The following ATP10D variants were observed in gnomAD, a reference collection of about 807,000 sequenced individuals.
ATP10D encodes ATPase phospholipid transporting 10D (putative), also known as phospholipid-transporting ATPase VD.
A neutral mutation model predicts 144.8 loss-of-function variants in ATP10D; 89 were observed. The observed-to-expected ratio is 0.61, with a 90% CI of 0.52 to 0.73. The LOEUF is 0.73. ATP10D is among the 30% of genes least tolerant of loss of function. The pLI is 0.00. For synonymous variants in ATP10D, 571 were observed against 615.1 expected (o/e 0.93, Z 1.06); for missense variants, 1,603 against 1,714.8 (o/e 0.93, Z 1.15).
At chr4:47,559,139 C>G in intron 13 of ATP10D, 110 bp downstream of exon 13, 1 of 726,476 alleles carries the variant, frequency 1.4e-6, no homozygotes, top group Non-Finnish European at 2.3e-6. Context: ...GGAAAGTCCC[C>G]TGGACACTGG....
intron 1 of ATP10D, among the ~76,000 whole-genome samples, chr4:47,509,508 A>G (rs1377771143): frequency 6.6e-6 from 1 of 152,212 alleles, no homozygotes; most frequent in Non-Finnish European, 1.5e-5. Flanking sequence ...AGCTCAAGGT[A>G]ATTAACATAT....
Position 47,576,866 on chromosome 4 carries a change from C to T in ATP10D, c.3460C>T (p.Leu1154Phe). ...CTGGGTTTTGATCTTCTTCAACCTC[C>T]TCTTCACATCTGCCCCTCCTGTCAT... The part of the protein sequence containing the change: ...DYWVLIFFNL[L>F]FTSAPPVIYG... Residue 1154 changes from leucine to phenylalanine, a missense_variant, in exon 19 of 23, where the codon CTC becomes TTC. Coordinates refer to ENST00000273859, the MANE Select transcript of ATP10D (RefSeq NM_020453.4). 4 of 1,614,162 alleles carry T rather than the reference C, an allele frequency of 2.5e-6. No homozygotes were observed. The highest frequency in any genetic ancestry group is 3.4e-6 in the Non-Finnish European group (4 of 1,180,026).
intron 2 of ATP10D, among the ~76,000 whole-genome samples, chr4:47,514,633 T>C (rs4695241): frequency 0.99 from 151,263 of 152,290 alleles, 75,127 homozygotes; most frequent in East Asian, 1. Flanking sequence ...TATTTGAATA[T>C]ATAAAGTAGA....
chr4:47,547,868 G>A (rs185365050), intron 10 of ATP10D, among the ~76,000 whole-genome samples: 1 of 152,194 alleles, frequency 6.6e-6, no homozygotes, highest in Admixed American at 6.5e-5. Flanking sequence ...GCTCATTTCT[G>A]TGGCACTAAT....
intron 18 of ATP10D, 33 bp downstream of exon 18, chr4:47,573,030 C>A: frequency 6.2e-7 from 1 of 1,608,338 alleles, no homozygotes; most frequent in South Asian, 1.1e-5. Context: ...TCCCTTTTCC[C>A]TTCGTACCTT....
chr4:47,525,817 A>C (rs1262949814), intron 5 of ATP10D, among the ~76,000 whole-genome samples, 175 bp downstream of exon 5: 1 of 152,240 alleles, frequency 6.6e-6, no homozygotes, highest in Non-Finnish European at 1.5e-5. Flanking sequence ...GTATTTATAC[A>C]CACACACATA....
At chr4:47,486,119 C>T (rs554815317) in intron 1 of ATP10D, among the ~76,000 whole-genome samples, 8 of 152,086 alleles carry the variant, frequency 5.3e-5, no homozygotes, top group Non-Finnish European at 1.2e-4. Context: ...CCCATGCTTC[C>T]CCCAAAACAC....
intron 18 of ATP10D, among the ~76,000 whole-genome samples, chr4:47,575,898 G>T (rs1204784899): frequency 1.3e-5 from 2 of 148,208 alleles, no homozygotes; most frequent in Admixed American, 6.7e-5. Flanking sequence ...AAAAAGAGAT[G>T]AGATGATGAG....
In ATP10D at chr4:47,580,457, C is replaced by G. The variant is rs1427665333; in HGVS notation, c.3627C>G (p.Val1209=). Residue 1209 remains valine (V), a synonymous_variant, in exon 20 of 23, where the codon GTC becomes GTG. Coordinates refer to ENST00000273859, the MANE Select transcript of ATP10D (RefSeq NM_020453.4). ...TLLDAFYQSL[V]CFFVPYFTYQ... is the part of the protein sequence containing the mutation. ...TGGATGCTTTTTATCAAAGCCTGGT[C>G]TGCTTCTTTGTGCCTTATTTTGTGA... 1 of 1,613,348 alleles carries G rather than the reference C, an allele frequency of 6.2e-7. No homozygotes were observed. The highest frequency in any genetic ancestry group is 1.7e-5 in the Admixed American group (1 of 60,026).
chr4:47,536,071 C>T, intron 7 of ATP10D, 38 bp downstream of exon 7: 2 of 1,582,282 alleles, frequency 1.3e-6, no homozygotes, highest in Non-Finnish European at 1.7e-6. Context: ...ATCTTTTCAG[C>T]AAGATATTAA....
At chr4:47,585,403 G>C (rs1720739960) in intron 21 of ATP10D, among the ~76,000 whole-genome samples, 1 of 151,988 alleles carries the variant, frequency 6.6e-6, no homozygotes, top group Non-Finnish European at 1.5e-5. Context: ...TTATGTACAT[G>C]AGATGTTTTG....
At position 47,572,133 on chromosome 4, in the gene ATP10D, CT is replaced by C; in HGVS notation, c.3164-14del. Reference sequence around the variant, plus strand: ...TCTTTACTCCTCATATGTTTCTCTCCTTTTTTTCTGCCTCATGAAGGTGATG... The same window carrying C: ...TCTTTACTCCTCATATGTTTCTCTCCTTTTTTCTGCCTCATGAAGGTGATG... On this transcript the variant is annotated intron_variant, in intron 16 of 22. Coordinates refer to ENST00000273859, the MANE Select transcript of ATP10D (RefSeq NM_020453.4). 5 of 1,612,152 alleles carry C rather than the reference CT, an allele frequency of 3.1e-6. No homozygotes were observed. The highest frequency in any genetic ancestry group is 4.2e-6 in the Non-Finnish European group (5 of 1,178,376).
chr4:47,573,804 G>C lies in ATP10D; in HGVS notation c.3366+807G>C, dbSNP rs140338753. On this transcript the variant is annotated intron_variant, in intron 18 of 22. Coordinates refer to ENST00000273859, the MANE Select transcript of ATP10D (RefSeq NM_020453.4). ...CACTCTATTAAAATACCATTTTTAG[G>C]GGAAAAAAAGCCATTTTTAGGAGAT... is the stretch of plus-strand genomic sequence containing the variant. Among the ~76,000 whole-genome samples the C allele has an allele frequency of 2.1e-3, 317 of 152,058 alleles. 3 individuals are homozygous for C. Among genetic ancestry groups the C allele is most frequent in the Middle Eastern group, 6.8e-3 (2 of 294 alleles).
rs139979636 is a variant in ATP10D, at chr4:47,555,577, G to A, written c.1824+663G>A. On this transcript the variant is annotated intron_variant, in intron 11 of 22. Coordinates refer to ENST00000273859, the MANE Select transcript of ATP10D (RefSeq NM_020453.4). ...GATTTGAACCTAGGAAATACAGCTC[G>A]GTGCTACTATATTATTTGCCTCTAA... is the stretch of plus-strand genomic sequence containing the variant. 1.1e-3 allele frequency among the ~76,000 whole-genome samples: 161 copies of A among 152,158 alleles called. 3 individuals are homozygous for A. The highest frequency in any genetic ancestry group is 3.8e-3 in the African/African-American group (157 of 41,502).
intron 1 of ATP10D, among the ~76,000 whole-genome samples, chr4:47,504,981 G>T (rs1352981464): frequency 6.6e-6 from 1 of 152,184 alleles, no homozygotes; most frequent in African/African-American, 2.4e-5. Context: ...TGAGAAGAAG[G>T]TTATAAGTCT....
At chr4:47,504,222 T>A (rs1025676204) in intron 1 of ATP10D, among the ~76,000 whole-genome samples, 2 of 152,246 alleles carry the variant, frequency 1.3e-5, no homozygotes, top group Non-Finnish European at 2.9e-5. Context: ...ATATTAGATA[T>A]ATCCATAGAC....
At chr4:47,520,551 G>C (rs192149392) in intron 3 of ATP10D, among the ~76,000 whole-genome samples, 10 of 151,942 alleles carry the variant, frequency 6.6e-5, no homozygotes, top group Non-Finnish European at 1.3e-4. Flanking sequence ...ATTCTACTTC[G>C]GTAACTTCTT....
At position 47,525,619 on chromosome 4, in the gene ATP10D, C is replaced by A; in HGVS notation, c.753C>A (p.Asp251Glu). Reference sequence around the variant, plus strand: ...TAGAATGTGAAAGCCCAAACAATGACCTCAGCAGATTCCGAGGCTTCCTGT... The same window carrying A: ...TAGAATGTGAAAGCCCAAACAATGAACTCAGCAGATTCCGAGGCTTCCTGT... The part of the protein sequence containing the change: ...SRIECESPNN[D>E]LSRFRGFLEH... Residue 251 changes from aspartate (D) to glutamate (E), a missense_variant, in exon 5 of 23, where the codon GAC (aspartate) becomes GAA (glutamate). Coordinates refer to ENST00000273859, the MANE Select transcript of ATP10D (RefSeq NM_020453.4). 3 of 1,613,196 alleles carry A rather than the reference C, an allele frequency of 1.9e-6. No homozygotes were observed. Among genetic ancestry groups the A allele is most frequent in the East Asian group, 2.2e-5 (1 of 44,852 alleles).
intron 2 of ATP10D, among the ~76,000 whole-genome samples, chr4:47,515,080 C>A (rs987908844): frequency 5.3e-5 from 8 of 152,070 alleles, no homozygotes; most frequent in Non-Finnish European, 2.9e-5. Flanking sequence ...CGTGCCTCAG[C>A]CTCCTGAGTA....
Sources: allele counts gnomAD v4.1 joint callset (sites outside exome capture counted in the v4.1 genomes callset), GRCh38; gene constraint gnomAD v4.1.1; transcripts MANE v1.5; gene names NCBI Gene and HGNC (gene_info 2026-07-23, HGNC 2026-07-21).